The following MACROD2 variants were observed in gnomAD, a reference collection of about 807,000 sequenced individuals.
MACROD2 encodes mono-ADP ribosylhydrolase 2.
In MACROD2, 36 loss-of-function variants were observed where a neutral mutation model predicts 70.4. That is an observed-to-expected ratio of 0.51 (90% confidence interval 0.39 to 0.68). The LOEUF (loss-of-function observed/expected upper bound fraction) is 0.68. Among genes scored for constraint, MACROD2 ranks in the 30% least tolerant of loss-of-function variants. The pLI is 0.00. For synonymous variants in MACROD2, 172 were observed against 178.8 expected (o/e 0.96, Z 0.30); for missense variants, 496 against 538.4 (o/e 0.92, Z 0.78).
At chr20:14,665,930 T>C (rs1291859583) in intron 4 of MACROD2, among the ~76,000 whole-genome samples, 1 of 152,144 alleles carries the variant, frequency 6.6e-6, no homozygotes, top group Non-Finnish European at 1.5e-5. Flanking sequence ...CTGTTTTTCA[T>C]CAGTTTTAAT....
At chr20:15,754,683 CTTTT>C (rs536927554) in intron 8 of MACROD2, among the ~76,000 whole-genome samples, 1 of 132,758 alleles carries the variant, frequency 7.5e-6, no homozygotes, top group Non-Finnish European at 1.6e-5. Context: ...TCTATTCAAT[CTTTT>C]TTTTTTTTTT....
intron 4 of MACROD2, among the ~76,000 whole-genome samples, chr20:14,679,345 G>C (rs138506887): frequency 1.9e-3 from 282 of 152,268 alleles, no homozygotes; most frequent in African/African-American, 6.4e-3. Context: ...AGAGGGTACC[G>C]TGCAAAGGAC....
At chr20:15,150,691 G>A (rs1601144120) in intron 5 of MACROD2, among the ~76,000 whole-genome samples, 1 of 152,080 alleles carries the variant, frequency 6.6e-6, no homozygotes, top group African/African-American at 2.4e-5. Context: ...GGGGATACAA[G>A]AGGAGGATGC....
In MACROD2 at chr20:14,494,783, A is replaced by G. The variant is rs965382770; in HGVS notation, c.301+1275A>G. On this transcript the variant is annotated intron_variant, in intron 4 of 17. Transcript: ENST00000684519. Reference sequence around the variant, plus strand: ...AAAATATGAATTTGTAGGATGTTTCATTGCACTTGTTATTTTATTTGGGGG... The same window carrying G: ...AAAATATGAATTTGTAGGATGTTTCGTTGCACTTGTTATTTTATTTGGGGG... 3.3e-5 allele frequency among the ~76,000 whole-genome samples: 5 copies of G among 152,160 alleles called. No individual in the cohort carries two copies. The South Asian group carries it at 8.3e-4, about 25-fold the overall frequency.
chr20:14,002,273 C>G lies in MACROD2; in HGVS notation c.47-15C>G, dbSNP rs749417617. 6.6e-7 allele frequency: 1 copy of G among 1,504,996 alleles called. No homozygotes were observed. Among genetic ancestry groups the G allele is most frequent in the Non-Finnish European group, 9.1e-7 (1 of 1,100,980 alleles). The allele number at this position is 1,504,996 out of a possible 1,614,324, so 93.2% of individuals were successfully genotyped here. A position where few individuals can be genotyped will look rare whatever the true frequency, so the allele number is the denominator to read the frequency against. ...ACGTTAAATACAAATGGAGATTCTG[C>G]TTTTATTTTGCAAGAACGTTTATTG... On this transcript the variant is annotated splice_polypyrimidine_tract_variant and intron_variant, in intron 1 of 17. Coordinates refer to ENST00000684519, the MANE Select transcript of MACROD2 (RefSeq NM_001351661.2).
intron 3 of MACROD2, among the ~76,000 whole-genome samples, chr20:14,402,999 A>G (rs1600204910): frequency 1.3e-5 from 2 of 152,142 alleles, no homozygotes; most frequent in African/African-American, 2.4e-5. Context: ...ACACTTCAAA[A>G]TCTAGAACTC....
intron 8 of MACROD2, among the ~76,000 whole-genome samples, chr20:15,745,703 G>C (rs2051172843): frequency 6.6e-6 from 1 of 152,028 alleles, no homozygotes; most frequent in South Asian, 2.1e-4. Flanking sequence ...AATTATTTTA[G>C]GTATTTAATC....
At chr20:14,101,477 T>G (rs2054301764) in intron 3 of MACROD2, among the ~76,000 whole-genome samples, 1 of 152,088 alleles carries the variant, frequency 6.6e-6, no homozygotes. Flanking sequence ...GGGCTTTTGT[T>G]GTAAATTTCC....
At chr20:15,238,944 C>T (rs1332579207) in intron 6 of MACROD2, among the ~76,000 whole-genome samples, 1 of 152,058 alleles carries the variant, frequency 6.6e-6, no homozygotes, top group Non-Finnish European at 1.5e-5. Context: ...TGTATAGAAA[C>T]AGTAAAGAGA....
intron 9 of MACROD2, among the ~76,000 whole-genome samples, chr20:15,869,210 C>CATAT (rs778142501): frequency 0.013 from 691 of 51,780 alleles, 45 homozygotes; most frequent in Non-Finnish European, 0.021. Context: ...ATGTGATTAA[C>CATAT]ATATATATAT....
At position 14,254,006 on chromosome 20, in the gene MACROD2, A is replaced by ATTTAAATGCC. The variant is rs1352307527; in HGVS notation, c.271+168279_271+168280insTTAAATGCCT. Reference sequence around the variant, plus strand: ...AAGCAAATAGATTTCTAAATGCCTGATAATTTAAAACAAAATTAATACAAA... The same window carrying ATTTAAATGCC: ...AAGCAAATAGATTTCTAAATGCCTGATTTAAATGCCTAATTTAAAACAAAATTAATACAAA... On this transcript the variant is annotated intron_variant, in intron 3 of 17. Transcript: ENST00000684519. Among the ~76,000 whole-genome samples the ATTTAAATGCC allele has an allele frequency of 1.7e-3, 263 of 152,230 alleles. 1 individual carries two copies. The highest frequency in any genetic ancestry group is 5.9e-3 in the African/African-American group (246 of 41,566).
At chr20:15,452,076 A>G (rs888872602) in intron 7 of MACROD2, among the ~76,000 whole-genome samples, 2 of 152,148 alleles carry the variant, frequency 1.3e-5, no homozygotes, top group African/African-American at 2.4e-5. Flanking sequence ...CCTGTTGTCT[A>G]TCAGCCATCA....
intron 5 of MACROD2, among the ~76,000 whole-genome samples, chr20:15,020,063 T>TA (rs2075152778): frequency 6.6e-6 from 1 of 152,124 alleles, no homozygotes; most frequent in African/African-American, 2.4e-5. Context: ...TACGTATTGA[T>TA]AAAAAAGCAT....
At chr20:15,112,319 T>G (rs2075961194) in intron 5 of MACROD2, among the ~76,000 whole-genome samples, 1 of 152,188 alleles carries the variant, frequency 6.6e-6, no homozygotes, top group Non-Finnish European at 1.5e-5. Context: ...GATAGACCTA[T>G]TAGCCTTTAA....
At chr20:14,510,922 G>A (rs2085022510) in intron 4 of MACROD2, among the ~76,000 whole-genome samples, 1 of 152,102 alleles carries the variant, frequency 6.6e-6, no homozygotes, top group Admixed American at 6.6e-5. Context: ...CTGGAAAAAG[G>A]TGGATGCAGG....
intron 5 of MACROD2, among the ~76,000 whole-genome samples, chr20:15,031,393 G>A (rs1489857987): frequency 1.3e-5 from 2 of 152,188 alleles, no homozygotes; most frequent in Non-Finnish European, 2.9e-5. Context: ...CTGCCATCTG[G>A]TGGGTCTGAG....
chr20:15,976,399 G>C (rs2066306842), intron 13 of MACROD2, among the ~76,000 whole-genome samples: 1 of 152,198 alleles, frequency 6.6e-6, no homozygotes, highest in African/African-American at 2.4e-5. Context: ...TACATAAACT[G>C]TGGAATTCTT....
intron 5 of MACROD2, among the ~76,000 whole-genome samples, chr20:15,025,881 A>G (rs985770639): frequency 6.6e-6 from 1 of 152,144 alleles, no homozygotes; most frequent in African/African-American, 2.4e-5. Flanking sequence ...GCCACTCCAT[A>G]TATGGTAATG....
At chr20:14,577,496 G>T (rs115332701) in intron 4 of MACROD2, among the ~76,000 whole-genome samples, 1 of 152,088 alleles carries the variant, frequency 6.6e-6, no homozygotes, top group African/African-American at 2.4e-5. Context: ...TATATAAGAG[G>T]GACTGGATGT....
Sources: gnomAD v4.1 joint callset for allele counts (sites outside exome capture counted in the v4.1 genomes callset) on GRCh38, gnomAD v4.1.1 for gene constraint, MANE v1.5 for transcripts, NCBI Gene and HGNC (gene_info 2026-07-23, HGNC 2026-07-21) for gene names.